DLG2: variants seen among roughly 807,000 people sequenced by gnomAD.
DLG2 encodes discs large MAGUK scaffold protein 2, also known as disks large homolog 2.
DLG2 carries 45 observed loss-of-function variants against 132.5 expected under a neutral mutation model. The observed-to-expected ratio is 0.34, with a 90% confidence interval of 0.27 to 0.44. The LOEUF (loss-of-function observed/expected upper bound fraction) is 0.44, where lower values mean the gene tolerates loss of function less well. Among genes scored for constraint, DLG2 ranks in the 20% least tolerant of loss-of-function variants. The pLI is 1.00. For synonymous variants in DLG2, 424 were observed against 419.6 expected, an observed-to-expected ratio of 1.01 and a Z score of -0.13; for missense variants, 1,045 against 1,196.9, an observed-to-expected ratio of 0.87 and a Z score of 1.87.
intron 10 of DLG2, among the ~76,000 whole-genome samples, chr11:84,072,850 C>T (rs984548636): frequency 6.6e-6 from 1 of 152,034 alleles, no homozygotes; most frequent in African/African-American, 2.4e-5. Context: ...CTATATAACC[C>T]TGATAAAAGA....
At position 83,722,466 on chromosome 11, in the gene DLG2, T is replaced by C. The variant is rs143667691; in HGVS notation, c.1825+64224A>G. On this transcript the variant is annotated intron_variant, in intron 18 of 27. Coordinates refer to ENST00000376104, the MANE Select transcript of DLG2 (RefSeq NM_001142699.3). Reference sequence around the variant, plus strand: ...AATTTGGTAGGGGATATGGAGAAAGTAGCAAAGGAAGTACTGATGGGGGTG... The same window carrying C: ...AATTTGGTAGGGGATATGGAGAAAGCAGCAAAGGAAGTACTGATGGGGGTG... 2.5e-3 allele frequency among the ~76,000 whole-genome samples: 378 copies of C among 152,246 alleles called. 2 individuals carry two copies. Among genetic ancestry groups the C allele is most frequent in the African/African-American group, 8.9e-3 (369 of 41,528 alleles).
intron 8 of DLG2, among the ~76,000 whole-genome samples, chr11:84,238,368 A>T (rs1321946314): frequency 6.6e-6 from 1 of 152,026 alleles, no homozygotes; most frequent in African/African-American, 2.4e-5. Flanking sequence ...TACAAAAATT[A>T]CCTGGATGTG....
chr11:85,353,064 G>A (rs1038372187), intron 3 of DLG2, among the ~76,000 whole-genome samples: 52 of 152,100 alleles, frequency 3.4e-4, no homozygotes, highest in African/African-American at 1.2e-3. Flanking sequence ...TATAGAATGG[G>A]AGAAAATTTT....
intron 3 of DLG2, among the ~76,000 whole-genome samples, chr11:85,388,844 G>A (rs116755613): frequency 1.3e-3 from 194 of 152,166 alleles, no homozygotes; most frequent in African/African-American, 4.7e-3. Flanking sequence ...AAAAAAATCG[G>A]AACAGAAGCC....
At chr11:83,829,805 G>T (rs1440516823) in intron 17 of DLG2, among the ~76,000 whole-genome samples, 1 of 151,860 alleles carries the variant, frequency 6.6e-6, no homozygotes, top group Non-Finnish European at 1.5e-5. Flanking sequence ...ATGCAGGTTT[G>T]TTACATATGT....
chr11:85,399,367 A>G (rs1474855405), intron 3 of DLG2, among the ~76,000 whole-genome samples: 13 of 148,968 alleles, frequency 8.7e-5, no homozygotes, highest in East Asian at 3.9e-4. Flanking sequence ...AAGGTAATTT[A>G]TAGATTCAAT....
At chr11:83,855,974 C>T (rs1204066220) in intron 16 of DLG2, among the ~76,000 whole-genome samples, 2 of 152,122 alleles carry the variant, frequency 1.3e-5, no homozygotes, top group Non-Finnish European at 1.5e-5. Context: ...TTTCCTGATC[C>T]TCTCCCTCCT....
chr11:83,905,998 T>C (rs948377390), intron 15 of DLG2, among the ~76,000 whole-genome samples: 3 of 151,570 alleles, frequency 2.0e-5, no homozygotes, highest in African/African-American at 7.3e-5. Context: ...TAGAAGTAAA[T>C]TCAAGTTTCC....
intron 12 of DLG2, 75 bp downstream of exon 12, chr11:83,980,431 C>T: frequency 1.4e-6 from 2 of 1,454,200 alleles, no homozygotes; most frequent in Non-Finnish European, 1.8e-6. Flanking sequence ...GCAGCCTGAA[C>T]TGACAAAGAC....
chr11:84,318,935 G>C (rs2098386374), intron 7 of DLG2, among the ~76,000 whole-genome samples: 1 of 152,132 alleles, frequency 6.6e-6, no homozygotes, highest in African/African-American at 2.4e-5. Flanking sequence ...GGAAAAAATA[G>C]AGAAATGAAG....
chr11:84,636,548 C>G (rs2099640753), intron 6 of DLG2, among the ~76,000 whole-genome samples: 2 of 151,944 alleles, frequency 1.3e-5, no homozygotes, highest in African/African-American at 4.8e-5. Context: ...ATTTTGGGTA[C>G]AAAACAGACA....
At chr11:84,507,461 G>A (rs2099244655) in intron 7 of DLG2, among the ~76,000 whole-genome samples, 1 of 152,122 alleles carries the variant, frequency 6.6e-6, no homozygotes, top group African/African-American at 2.4e-5. Context: ...GATGACTTCT[G>A]GATATACAGA....
chr11:83,673,073 A>G (rs929995513), intron 18 of DLG2, among the ~76,000 whole-genome samples: 7 of 152,162 alleles, frequency 4.6e-5, no homozygotes, highest in Non-Finnish European at 7.4e-5. Flanking sequence ...CAAAAACAAA[A>G]CAAAGCAAAA....
At chr11:85,249,748 A>G (rs1323912761) in intron 4 of DLG2, among the ~76,000 whole-genome samples, 3 of 152,128 alleles carry the variant, frequency 2.0e-5, no homozygotes, top group Non-Finnish European at 2.9e-5. Flanking sequence ...GAACAAATCC[A>G]AAATCAAATC....
At chr11:84,075,143 T>A (rs2096811090) in intron 10 of DLG2, among the ~76,000 whole-genome samples, 1 of 152,200 alleles carries the variant, frequency 6.6e-6, no homozygotes, top group Admixed American at 6.5e-5. Context: ...AGATCTTACC[T>A]TAAATATCAC....
At chr11:85,091,083 T>C (rs192809801) in intron 6 of DLG2, among the ~76,000 whole-genome samples, 1 of 152,280 alleles carries the variant, frequency 6.6e-6, no homozygotes, top group East Asian at 1.9e-4. Context: ...CCACTCATGA[T>C]AGATTTGCCC....
intron 3 of DLG2, among the ~76,000 whole-genome samples, chr11:85,473,649 A>G (rs574336920): frequency 1.8e-4 from 27 of 152,160 alleles, no homozygotes; most frequent in African/African-American, 5.8e-4. Context: ...ATATTATACA[A>G]TGTATCAAAA....
intron 19 of DLG2, among the ~76,000 whole-genome samples, chr11:83,624,457 G>A (rs144346330): frequency 3.3e-5 from 5 of 152,264 alleles, no homozygotes; most frequent in African/African-American, 9.6e-5. Flanking sequence ...CCACAATTAA[G>A]GATACAACTA....
chr11:84,831,882 C>T (rs1183365129), intron 6 of DLG2, among the ~76,000 whole-genome samples: 2 of 151,664 alleles, frequency 1.3e-5, no homozygotes, highest in Non-Finnish European at 3.0e-5. Flanking sequence ...CAGTGACGAC[C>T]TGCTCTCAGA....
Sources: allele counts gnomAD v4.1 joint callset (sites outside exome capture counted in the v4.1 genomes callset), GRCh38; gene constraint gnomAD v4.1.1; transcripts MANE v1.5; gene names NCBI Gene and HGNC (gene_info 2026-07-23, HGNC 2026-07-21).